Variants in PTPRG observed in about 807,000 individuals in gnomAD.
PTPRG encodes receptor-type tyrosine-protein phosphatase gamma.
PTPRG carries 102 observed loss-of-function variants against 165.3 expected under a neutral mutation model. That is an observed-to-expected ratio of 0.62 (90% CI 0.53 to 0.73). The LOEUF is 0.73. PTPRG is among the 30% of genes least tolerant of loss of function. The probability of loss-of-function intolerance (pLI) is 0.00; values close to 1 mark genes in which losing one functional copy is unlikely to be tolerated. For synonymous variants in PTPRG, 675 were observed against 669.5 expected (o/e 1.01, Z -0.13); for missense variants, 1,866 against 1,861.4 (o/e 1.00, Z -0.05).
chr3:61,882,523 A>G (rs1270274902), intron 2 of PTPRG, among the ~76,000 whole-genome samples: 1 of 152,216 alleles, frequency 6.6e-6, no homozygotes, highest in African/African-American at 2.4e-5. Flanking sequence ...AGTATGAGGT[A>G]CTAAGGGCTT....
rs138988211 is a variant in PTPRG, at chr3:61,989,846, C to A, written c.370+42C>A. The A allele has an allele frequency of 3.0e-4, 486 of 1,602,220 alleles. 2 individuals carry two copies. The African/African-American group carries it at 6.2e-3, about 21-fold the overall frequency. The stretch of plus-strand genomic sequence containing the variant: ...TTATTTGTCCACAGAGCAACAGGAA[C>A]TATTTTTGGATGTCTCTGGTGTTTT... On this transcript the variant is annotated intron_variant, in intron 3 of 29. Transcript: ENST00000474889.
chr3:62,277,112 C>A, intron 25 of PTPRG, 64 bp downstream of exon 25: 1 of 1,236,536 alleles, frequency 8.1e-7, no homozygotes, highest in Non-Finnish European at 1.2e-6. Context: ...AGAGCAGATA[C>A]CACCTGTGTG....
intron 2 of PTPRG, among the ~76,000 whole-genome samples, chr3:61,935,653 C>A (rs1257757222): frequency 7.0e-6 from 1 of 143,490 alleles, no homozygotes; most frequent in Non-Finnish European, 1.5e-5. Context: ...CTGCTGATAT[C>A]TTTTTTTAAT....
At position 62,065,033 on chromosome 3, in the gene PTPRG, T is replaced by C. The variant is rs533396327; in HGVS notation, c.520-13130T>C. Among the ~76,000 whole-genome samples the C allele has an allele frequency of 4.3e-4, 66 of 152,008 alleles. 1 individual carries two copies. Among genetic ancestry groups the C allele is most frequent in the African/African-American group, 1.5e-3 (64 of 41,444 alleles). On this transcript the variant is annotated intron_variant, in intron 4 of 29. Coordinates refer to ENST00000474889, the MANE Select transcript of PTPRG (RefSeq NM_002841.4). ...AGGTGTGAGCCACTGCACCCAGCCT[T>C]GTTTGGAAATTTTTAAATGAGAGCA... is the stretch of plus-strand genomic sequence containing the variant.
chr3:61,761,675 A>C (rs2033840208), intron 2 of PTPRG, among the ~76,000 whole-genome samples: 1 of 152,150 alleles, frequency 6.6e-6, no homozygotes, highest in Non-Finnish European at 1.5e-5. Context: ...CCATTTCTTG[A>C]ATTGAGTTGA....
chr3:61,947,093 G>A (rs576601355), intron 2 of PTPRG, among the ~76,000 whole-genome samples: 15 of 152,102 alleles, frequency 9.9e-5, no homozygotes, highest in South Asian at 6.2e-4. Context: ...AAAGTGGACC[G>A]ACCAGGGTGG....
chr3:61,856,556 C>A (rs955829233), intron 2 of PTPRG, among the ~76,000 whole-genome samples: 2 of 152,006 alleles, frequency 1.3e-5, no homozygotes. Context: ...CTTTTTTTCT[C>A]ATTGCATGCA....
In PTPRG at chr3:61,563,495, C is replaced by T. The variant is rs143191003; in HGVS notation, c.85+1123C>T. ...CAGCCCCGAGCTCCCTCGTAGCTGT[C>T]CCTTGGGGTGGAGGCCAAGTCCTGC... is the stretch of plus-strand genomic sequence containing the variant. On this transcript the variant is annotated intron_variant, in intron 1 of 29. Transcript: ENST00000474889. Among the ~76,000 whole-genome samples, 567 of 152,216 alleles carry T rather than the reference C, an allele frequency of 3.7e-3. 5 individuals carry two copies. The highest frequency in any genetic ancestry group is 0.013 in the African/African-American group (526 of 41,536).
At position 62,226,834 on chromosome 3, in the gene PTPRG, T is replaced by C. The variant is rs373364357; in HGVS notation, c.2289-4391T>C. Among the ~76,000 whole-genome samples the C allele has an allele frequency of 3.1e-3, 474 of 152,340 alleles. 2 individuals are homozygous for C. Among genetic ancestry groups the C allele is most frequent in the African/African-American group, 0.011 (445 of 41,590 alleles). ...CAGTCAACACCAATTTAGCCACATATGCAAATAGGAAAAGGTCTCTCTTTT... is the reference window on the plus strand; with the variant it reads ...CAGTCAACACCAATTTAGCCACATACGCAAATAGGAAAAGGTCTCTCTTTT... On this transcript the variant is annotated intron_variant, in intron 13 of 29. Coordinates refer to ENST00000474889, the MANE Select transcript of PTPRG (RefSeq NM_002841.4).
intron 4 of PTPRG, among the ~76,000 whole-genome samples, chr3:62,034,949 G>T (rs999883666): frequency 1.3e-5 from 2 of 152,126 alleles, no homozygotes; most frequent in Admixed American, 6.5e-5. Flanking sequence ...CCTTCTTGGG[G>T]AGGAGGACTG....
chr3:61,927,321 C>G (rs1275538896), intron 2 of PTPRG, among the ~76,000 whole-genome samples: 1 of 152,194 alleles, frequency 6.6e-6, no homozygotes, highest in Non-Finnish European at 1.5e-5. Context: ...TGGACAACAG[C>G]TCTGTGCTTG....
At chr3:62,175,488 T>C (rs1705385367) in intron 8 of PTPRG, among the ~76,000 whole-genome samples, 1 of 152,196 alleles carries the variant, frequency 6.6e-6, no homozygotes, top group Non-Finnish European at 1.5e-5. Context: ...GAAGAGGTTT[T>C]TGTGTGCCAG....
At chr3:61,663,082 G>T (rs1702711251) in intron 1 of PTPRG, among the ~76,000 whole-genome samples, 1 of 152,166 alleles carries the variant, frequency 6.6e-6, no homozygotes, top group Non-Finnish European at 1.5e-5. Flanking sequence ...ACAGGAATTT[G>T]AGACAAGCCT....
chr3:62,180,072 T>C (rs978681251), intron 8 of PTPRG, among the ~76,000 whole-genome samples: 1 of 152,226 alleles, frequency 6.6e-6, no homozygotes, highest in African/African-American at 2.4e-5. Flanking sequence ...AGAGAAATTA[T>C]TTTAAGGCTC....
intron 5 of PTPRG, among the ~76,000 whole-genome samples, chr3:62,085,613 T>C (rs1038942505): frequency 1.3e-5 from 2 of 152,200 alleles, no homozygotes; most frequent in Non-Finnish European, 2.9e-5. Flanking sequence ...TCCTCTATGA[T>C]AGTTGATGAG....
At chr3:61,835,315 G>A (rs2036425793) in intron 2 of PTPRG, among the ~76,000 whole-genome samples, 2 of 152,032 alleles carry the variant, frequency 1.3e-5, no homozygotes, top group South Asian at 2.1e-4. Flanking sequence ...AGCCTCCTTT[G>A]TAAATGTGGA....
At chr3:62,079,934 A>G (rs1229077474) in intron 5 of PTPRG, among the ~76,000 whole-genome samples, 2 of 152,176 alleles carry the variant, frequency 1.3e-5, no homozygotes, top group African/African-American at 2.4e-5. Flanking sequence ...GTATGCATCT[A>G]TAGCCCTCCA....
chr3:61,934,182 G>A lies in PTPRG; in HGVS notation c.191-55443G>A, dbSNP rs116513618. Among the ~76,000 whole-genome samples, 524 of 152,200 alleles carry A rather than the reference G, an allele frequency of 3.4e-3. 1 individual carries two copies. The highest frequency in any genetic ancestry group is 5.6e-3 in the Non-Finnish European group (383 of 68,014). ...TTAAGCGTAGCTCTCATCACATTAA[G>A]TTTTATATATGCATATATAGAGATG... is the stretch of plus-strand genomic sequence containing the variant. On this transcript the variant is annotated intron_variant, in intron 2 of 29. Transcript: ENST00000474889.
At chr3:61,608,380 A>G (rs1701071989) in intron 1 of PTPRG, among the ~76,000 whole-genome samples, 1 of 152,184 alleles carries the variant, frequency 6.6e-6, no homozygotes. Flanking sequence ...AGGAGCAACT[A>G]TGTGATCTCA....
Sources: gnomAD v4.1 joint callset for allele counts (sites outside exome capture counted in the v4.1 genomes callset) on GRCh38, gnomAD v4.1.1 for gene constraint, MANE v1.5 for transcripts, NCBI Gene and HGNC (gene_info 2026-07-23, HGNC 2026-07-21) for gene names.